The following OR52N2 variants were observed in gnomAD, a reference collection of about 807,000 sequenced individuals.
OR52N2 encodes the protein olfactory receptor 52N2.
For synonymous variants in OR52N2, 129 were observed against 72.0 expected, an observed-to-expected ratio of 1.79 and a Z score of -4.01; for missense variants, 326 against 196.6, an observed-to-expected ratio of 1.66 and a Z score of -3.94.
chr11:5,818,452 A>G (rs1446207067), intron 1 of OR52N2, among the ~76,000 whole-genome samples: 1 of 152,078 alleles, frequency 6.6e-6, no homozygotes, highest in Non-Finnish European at 1.5e-5. Context: ...GAAACAAAAA[A>G]TTTTATGTAA....
intron 1 of OR52N2, among the ~76,000 whole-genome samples, chr11:5,810,785 A>G (rs976524817): frequency 1.3e-5 from 2 of 150,604 alleles, no homozygotes; most frequent in Non-Finnish European, 3.0e-5. Context: ...CTTTTTTTTT[A>G]ACCTAATATG....
At chr11:5,814,210 G>A (rs1341069660) in intron 1 of OR52N2, among the ~76,000 whole-genome samples, 2 of 152,070 alleles carry the variant, frequency 1.3e-5, no homozygotes, top group African/African-American at 4.8e-5. Context: ...AAAAGAAGAA[G>A]TAAAATTATC....
At chr11:5,818,704 T>C (rs1846423608) in intron 1 of OR52N2, among the ~76,000 whole-genome samples, 1 of 152,232 alleles carries the variant, frequency 6.6e-6, no homozygotes, top group Non-Finnish European at 1.5e-5. Context: ...GTAATGGCTC[T>C]TTTTCTTTCT....
At position 5,820,697 on chromosome 11, in the gene OR52N2, C is replaced by T. The variant is rs757374029; in HGVS notation, c.362C>T (p.Ala121Val). Residue 121 changes from alanine to valine, a missense_variant, in exon 2 of 2, where the codon GCC becomes GTC. By Grantham distance (64) the Ala-to-Val change is moderately conservative. Transcript: ENST00000317037. ...GMESGVLMLM[A>V]LDRYVAICYP... ...GAGTCTGGGGTGCTCATGCTCATGG[C>T]CCTGGACCGCTATGTGGCCATCTGC... 1.1e-4 allele frequency: 89 copies of T among 792,536 alleles called. 1 individual carries two copies. The South Asian group carries it at 1.2e-3, about 10-fold the overall frequency. 49.1% of individuals were successfully genotyped at this position (792,536 alleles called of 1,614,324 possible).
intron 1 of OR52N2, among the ~76,000 whole-genome samples, chr11:5,814,610 A>T (rs1256789450): frequency 1.3e-5 from 2 of 152,170 alleles, no homozygotes; most frequent in Non-Finnish European, 1.5e-5. Context: ...GCCATGTTCA[A>T]GGGGTGGACG....
intron 1 of OR52N2, among the ~76,000 whole-genome samples, chr11:5,818,903 G>A (rs1392460609): frequency 1.3e-5 from 2 of 152,076 alleles, no homozygotes; most frequent in East Asian, 3.9e-4. Context: ...TTATAAGAAG[G>A]GATTATTTAT....
At chr11:5,818,322 G>C (rs1846419906) in intron 1 of OR52N2, among the ~76,000 whole-genome samples, 1 of 152,126 alleles carries the variant, frequency 6.6e-6, no homozygotes, top group South Asian at 2.1e-4. Context: ...CTCAAAAGCT[G>C]CTAAATATAC....
intron 1 of OR52N2, among the ~76,000 whole-genome samples, chr11:5,811,474 C>T (rs1338448707): frequency 6.6e-6 from 1 of 152,052 alleles, no homozygotes; most frequent in East Asian, 1.9e-4. Flanking sequence ...CTTCTTTATG[C>T]AATTGAAGTT....
intron 1 of OR52N2, among the ~76,000 whole-genome samples, chr11:5,811,596 G>A (rs555558831): frequency 1.3e-4 from 20 of 152,046 alleles, no homozygotes; most frequent in South Asian, 8.3e-4. Flanking sequence ...AGTAAAGAAC[G>A]AAAGCACACT....
intron 1 of OR52N2, among the ~76,000 whole-genome samples, chr11:5,818,592 A>T (rs967336613): frequency 2.6e-5 from 4 of 151,720 alleles, no homozygotes; most frequent in Non-Finnish European, 5.9e-5. Context: ...GGGTAAAGAC[A>T]TTTTTGGCAA....
chr11:5,810,956 C>T (rs1846356601), intron 1 of OR52N2, among the ~76,000 whole-genome samples: 1 of 151,744 alleles, frequency 6.6e-6, no homozygotes. Context: ...AAGCTTTCTA[C>T]TTGGAGATAA....
At position 5,808,966 on chromosome 11, in the gene OR52N2, G is replaced by C. The variant is rs902641328; in HGVS notation, c.-143G>C. Among the ~76,000 whole-genome samples, 4 of 147,178 alleles carry C rather than the reference G, an allele frequency of 2.7e-5. No individual in the cohort carries two copies. The highest frequency in any genetic ancestry group is 8.1e-5 in the African/African-American group (3 of 36,952). On this transcript the variant is annotated 5_prime_UTR_variant, in exon 1 of 2. Coordinates refer to ENST00000317037, the MANE Select transcript of OR52N2 (RefSeq NM_001005174.3). ...AAGCCTCTCCTCCTCGCGTTGCTGA[G>C]AGTCCGAGTTTATTCATCACAATGG... is the stretch of plus-strand genomic sequence containing the variant.
chr11:5,821,137 G>T lies in OR52N2; in HGVS notation c.802G>T (p.Gly268Ter), dbSNP rs770890855. Residue 268 changes from glycine (G) to a stop codon, truncating the protein, a stop_gained, in exon 2 of 2, where the codon GGA becomes TGA. Coordinates refer to ENST00000317037, the MANE Select transcript of OR52N2 (RefSeq NM_001005174.3). LOFTEE classifies it low-confidence loss of function (END_TRUNC). ...CACTTTTTTCACTCATCGTTTTGTAGGACACAATATCCCAAACCACATACA... is the reference window on the plus strand; with the variant it reads ...CACTTTTTTCACTCATCGTTTTGTATGACACAATATCCCAAACCACATACA... ...FFTFFTHRFV[G>*]HNIPNHIHII... 17 of 780,764 alleles carry T rather than the reference G, an allele frequency of 2.2e-5. No individual in the cohort carries two copies. The highest frequency in any genetic ancestry group is 3.3e-5 in the Non-Finnish European group (14 of 418,116). The allele number at this position is 780,764 out of a possible 1,614,324, so 48.4% of individuals were successfully genotyped here.
At chr11:5,819,294 T>A (rs1436255855) in intron 1 of OR52N2, among the ~76,000 whole-genome samples, 1 of 152,206 alleles carries the variant, frequency 6.6e-6, no homozygotes, top group African/African-American at 2.4e-5. Flanking sequence ...ACTATTCAAT[T>A]CTTTCTACTG....
chr11:5,813,609 G>C (rs1004268915), intron 1 of OR52N2, among the ~76,000 whole-genome samples: 1 of 152,122 alleles, frequency 6.6e-6, no homozygotes, highest in African/African-American at 2.4e-5. Context: ...ATTTAAAGGG[G>C]AATTAATACC....
rs770336600 is a variant in OR52N2 at position 5,821,343 on chromosome 11, T to C, written c.*42T>C. 4.3e-6 allele frequency: 3 copies of C among 702,286 alleles called. No homozygotes were observed. In the African/African-American group the frequency reaches 5.3e-5, roughly 12 times the overall value. The allele number at this position is 702,286 out of a possible 1,614,324, so 43.5% of individuals were successfully genotyped here. A position where few individuals can be genotyped will look rare whatever the true frequency, so the allele number is the denominator to read the frequency against. On this transcript the variant is annotated 3_prime_UTR_variant, in exon 2 of 2. Coordinates refer to ENST00000317037, the MANE Select transcript of OR52N2 (RefSeq NM_001005174.3). ...ATTGTTTCAGGTGGTGAGAAAATAA[T>C]GGAGACAAAATTTCATAAAAGATGT... is the stretch of plus-strand genomic sequence containing the variant.
At chr11:5,817,858 G>T (rs2134243118) in intron 1 of OR52N2, among the ~76,000 whole-genome samples, 1 of 152,158 alleles carries the variant, frequency 6.6e-6, no homozygotes, top group Admixed American at 6.5e-5. Flanking sequence ...GAAAAATTTG[G>T]AAACAAATAT....
intron 1 of OR52N2, among the ~76,000 whole-genome samples, chr11:5,817,288 T>A (rs1010656518): frequency 1.3e-5 from 2 of 152,024 alleles, no homozygotes; most frequent in African/African-American, 2.4e-5. Flanking sequence ...TTTTGTGGGG[T>A]TTTTTAGTAA....
chr11:5,818,982 T>C (rs1192070982), intron 1 of OR52N2, among the ~76,000 whole-genome samples: 12 of 152,210 alleles, frequency 7.9e-5, no homozygotes, highest in Admixed American at 7.9e-4. Flanking sequence ...TACATTTCCC[T>C]CCATCATTGG....
Sources: allele counts gnomAD v4.1 joint callset (sites outside exome capture counted in the v4.1 genomes callset), GRCh38; gene constraint gnomAD v4.1.1; transcripts MANE v1.5; gene names NCBI Gene and HGNC (gene_info 2026-07-23, HGNC 2026-07-21).